The following KCNQ5 variants were observed in gnomAD, a reference collection of about 807,000 sequenced individuals.
The protein encoded by KCNQ5 is potassium voltage-gated channel subfamily KQT member 5.
In KCNQ5, 30 loss-of-function variants were observed where a neutral mutation model predicts 98.2. The ratio of observed to expected loss-of-function variants is 0.31; its 90% confidence interval spans 0.23 to 0.41. The LOEUF is 0.41. KCNQ5 is among the 10% of genes least tolerant of loss of function. The pLI is 1.00. For missense variants in KCNQ5, 835 were observed against 1,182.5 expected, an observed-to-expected ratio of 0.71 and a Z score of 4.31; for synonymous variants, 458 against 449.4, an observed-to-expected ratio of 1.02 and a Z score of -0.24.
At chr6:72,919,078 T>A (rs2150214654) in intron 1 of KCNQ5, among the ~76,000 whole-genome samples, 1 of 152,322 alleles carries the variant, frequency 6.6e-6, no homozygotes, top group Non-Finnish European at 1.5e-5. Flanking sequence ...TTTGTTGTGA[T>A]CTAGGGCTGA....
At chr6:73,067,986 T>C (rs1773136755) in intron 3 of KCNQ5, among the ~76,000 whole-genome samples, 1 of 151,982 alleles carries the variant, frequency 6.6e-6, no homozygotes, top group African/African-American at 2.4e-5. Flanking sequence ...CTATTTATTT[T>C]TCTATATACT....
At chr6:72,631,130 G>A (rs954827858) in intron 1 of KCNQ5, among the ~76,000 whole-genome samples, 2 of 152,176 alleles carry the variant, frequency 1.3e-5, no homozygotes, top group Admixed American at 6.5e-5. Flanking sequence ...GGGTGCTTGG[G>A]TAAATAGTGG....
chr6:72,768,669 A>T (rs1039018800), intron 1 of KCNQ5, among the ~76,000 whole-genome samples: 4 of 152,048 alleles, frequency 2.6e-5, no homozygotes, highest in African/African-American at 9.7e-5. Context: ...CTGAGTAGGT[A>T]AAAATAAGTG....
chr6:73,160,140 A>G (rs1398524172), intron 10 of KCNQ5, among the ~76,000 whole-genome samples: 4 of 150,872 alleles, frequency 2.7e-5, no homozygotes, highest in Non-Finnish European at 4.4e-5. Context: ...CAGCCTCCCA[A>G]GTAGCTGGGA....
At chr6:72,768,982 C>T (rs1772718447) in intron 1 of KCNQ5, among the ~76,000 whole-genome samples, 1 of 152,058 alleles carries the variant, frequency 6.6e-6, no homozygotes, top group Non-Finnish European at 1.5e-5. Flanking sequence ...AGCATTTCAT[C>T]ATATGGAAAA....
chr6:72,705,689 C>G (rs1769042003), intron 1 of KCNQ5, among the ~76,000 whole-genome samples: 1 of 151,462 alleles, frequency 6.6e-6, no homozygotes, highest in Non-Finnish European at 1.5e-5. Flanking sequence ...TTTGTGGTCC[C>G]TTTAAAAAAT....
At chr6:72,832,723 CT>C (rs1315051313) in intron 1 of KCNQ5, among the ~76,000 whole-genome samples, 1 of 152,156 alleles carries the variant, frequency 6.6e-6, no homozygotes, top group East Asian at 1.9e-4. Flanking sequence ...AGAAGAAAGA[CT>C]AAATATTCAA....
At chr6:72,632,138 CTTTT>C (rs71540354) in intron 1 of KCNQ5, among the ~76,000 whole-genome samples, 1 of 127,664 alleles carries the variant, frequency 7.8e-6, no homozygotes. Context: ...TTCTTTCTTT[CTTTT>C]TTTTTTTTTT....
chr6:72,833,737 T>C (rs925557940), intron 1 of KCNQ5, among the ~76,000 whole-genome samples: 4 of 152,136 alleles, frequency 2.6e-5, no homozygotes, highest in African/African-American at 9.7e-5. Flanking sequence ...AAACAACAAA[T>C]ATTTAAAGAT....
intron 1 of KCNQ5, among the ~76,000 whole-genome samples, chr6:72,807,311 A>G (rs774002025): frequency 3.9e-5 from 6 of 152,192 alleles, no homozygotes; most frequent in Non-Finnish European, 8.8e-5. Context: ...AGTATTTATT[A>G]TGAAAATAAC....
rs529095756 is a variant in KCNQ5 at position 72,733,566 on chromosome 6, T to C, written c.398+110979T>C. Among the ~76,000 whole-genome samples, 7 of 152,270 alleles carry C rather than the reference T, an allele frequency of 4.6e-5. No individual in the cohort carries two copies. In the South Asian group the frequency reaches 1.5e-3, roughly 32 times the overall value. The stretch of plus-strand genomic sequence containing the variant: ...AGAGTCATGAGCAAGTTTAAAGCCA[T>C]ACAAAGGTGAGAGACAGACAGTATA... On this transcript the variant is annotated intron_variant, in intron 1 of 13. Coordinates refer to ENST00000370398, the MANE Select transcript of KCNQ5 (RefSeq NM_019842.4).
intron 10 of KCNQ5, 53 bp from the exon 11 acceptor site, chr6:73,169,693 A>C: frequency 7.8e-7 from 1 of 1,289,010 alleles, no homozygotes; most frequent in Admixed American, 1.7e-5. Flanking sequence ...ATTCAGCAAC[A>C]TGTTTCAAAT....
At chr6:72,865,908 T>A (rs1001445265) in intron 1 of KCNQ5, among the ~76,000 whole-genome samples, 3 of 152,180 alleles carry the variant, frequency 2.0e-5, no homozygotes, top group Non-Finnish European at 4.4e-5. Context: ...GATCTAAACC[T>A]TATAAGCACT....
chr6:73,051,147 A>G (rs1772215321), intron 3 of KCNQ5, among the ~76,000 whole-genome samples: 1 of 152,246 alleles, frequency 6.6e-6, no homozygotes, highest in South Asian at 2.1e-4. Flanking sequence ...TAAAATATAG[A>G]AATGCCAATG....
At chr6:72,746,782 A>G (rs908021920) in intron 1 of KCNQ5, among the ~76,000 whole-genome samples, 3 of 152,190 alleles carry the variant, frequency 2.0e-5, no homozygotes, top group Non-Finnish European at 4.4e-5. Context: ...CTACCAGATA[A>G]TACATCAAGA....
At chr6:73,097,158 T>TATATATATATATATATATATATATATAC (rs978966757) in intron 5 of KCNQ5, among the ~76,000 whole-genome samples, 21 of 146,980 alleles carry the variant, frequency 1.4e-4, no homozygotes, top group African/African-American at 3.9e-4. Flanking sequence ...TATATATATA[T>TATATATATATATATATATATATATATAC]ACACACACAC....
chr6:73,091,702 C>G (rs903279725), intron 5 of KCNQ5, among the ~76,000 whole-genome samples: 4 of 58,462 alleles, frequency 6.8e-5, no homozygotes, highest in African/African-American at 2.1e-4. Context: ...TGTGATGCCT[C>G]CAGGTTTGGT....
intron 1 of KCNQ5, among the ~76,000 whole-genome samples, chr6:72,764,279 G>C (rs947147041): frequency 5.9e-5 from 9 of 151,906 alleles, no homozygotes; most frequent in Non-Finnish European, 1.3e-4. Context: ...CAAACAAACT[G>C]TATGAGACTT....
chr6:73,170,596 G>GAAAA (rs1562218421), intron 11 of KCNQ5, among the ~76,000 whole-genome samples: 1 of 149,322 alleles, frequency 6.7e-6, no homozygotes, highest in African/African-American at 2.5e-5. Flanking sequence ...GAAAAGAAAA[G>GAAAA]AAATACCTCT....
Sources: gnomAD v4.1 joint callset for allele counts (sites outside exome capture counted in the v4.1 genomes callset) on GRCh38, gnomAD v4.1.1 for gene constraint, MANE v1.5 for transcripts, NCBI Gene and HGNC (gene_info 2026-07-23, HGNC 2026-07-21) for gene names.